MBTPS1: variants seen among roughly 807,000 people sequenced by gnomAD.
The protein encoded by MBTPS1 is membrane bound transcription factor peptidase, site 1.
A neutral mutation model predicts 127.8 loss-of-function variants in MBTPS1; 94 were observed. The observed-to-expected ratio is 0.74, with a 90% confidence interval of 0.62 to 0.87. The LOEUF is 0.87. MBTPS1 is among the 40% of genes least tolerant of loss of function. The pLI is 0.00. For missense variants in MBTPS1, 1,636 were observed against 1,353.2 expected, an observed-to-expected ratio of 1.21 and a Z score of -3.28; for synonymous variants, 632 against 509.4, an observed-to-expected ratio of 1.24 and a Z score of -3.24.
intron 8 of MBTPS1, 93 bp from the exon 9 acceptor site, chr16:84,087,553 T>G: frequency 1.3e-6 from 1 of 797,252 alleles, no homozygotes; most frequent in South Asian, 1.6e-5. Flanking sequence ...GGGCGAATAC[T>G]CCCAGAACAA....
At chr16:84,079,870 C>T (rs1192803866) in intron 11 of MBTPS1, among the ~76,000 whole-genome samples, 5 of 152,252 alleles carry the variant, frequency 3.3e-5, no homozygotes, top group African/African-American at 7.2e-5. Context: ...CGTGTCCACA[C>T]GTTGCCTAGC....
chr16:84,110,511 G>A (rs1230119925), intron 1 of MBTPS1, among the ~76,000 whole-genome samples: 3 of 152,088 alleles, frequency 2.0e-5, no homozygotes, highest in Non-Finnish European at 4.4e-5. Context: ...TTTCACATAT[G>A]TATTAAAACG....
At chr16:84,062,393 A>C (rs1337346200) in intron 19 of MBTPS1, among the ~76,000 whole-genome samples, 6 of 152,232 alleles carry the variant, frequency 3.9e-5, no homozygotes, top group Admixed American at 3.3e-4. Context: ...TGCTGGGATC[A>C]CAGGCGTGAG....
intron 21 of MBTPS1, 148 bp from the exon 22 acceptor site, chr16:84,056,283 C>CTA: frequency 3.3e-6 from 2 of 606,380 alleles, no homozygotes; most frequent in South Asian, 2.3e-5. Context: ...CACCTAAATG[C>CTA]CACTGACAGC....
At chr16:84,108,106 T>A (rs1398400794) in intron 1 of MBTPS1, among the ~76,000 whole-genome samples, 1 of 152,058 alleles carries the variant, frequency 6.6e-6, no homozygotes, top group Non-Finnish European at 1.5e-5. Flanking sequence ...TCTATTCAGC[T>A]GTGACGAATG....
At chr16:84,067,310 T>A (rs1038896037) in intron 16 of MBTPS1, among the ~76,000 whole-genome samples, 1 of 152,310 alleles carries the variant, frequency 6.6e-6, no homozygotes, top group Non-Finnish European at 1.5e-5. Flanking sequence ...TATGAGCAAC[T>A]TTCAAGAACC....
chr16:84,090,998 T>TG, intron 7 of MBTPS1, 56 bp from the exon 8 acceptor site: 6 of 785,324 alleles, frequency 7.6e-6, no homozygotes, highest in Admixed American at 3.8e-5. Flanking sequence ...CATATAACTG[T>TG]CAAAAAAAAA....
At chr16:84,091,363 G>A (rs1285634410) in intron 7 of MBTPS1, among the ~76,000 whole-genome samples, 1 of 151,858 alleles carries the variant, frequency 6.6e-6, no homozygotes, top group Non-Finnish European at 1.5e-5. Context: ...GTGTGCACCT[G>A]TAATCCCGGC....
At chr16:84,095,244 G>C (rs774606153) in intron 4 of MBTPS1, among the ~76,000 whole-genome samples, 14 of 152,180 alleles carry the variant, frequency 9.2e-5, no homozygotes, top group African/African-American at 3.4e-4. Flanking sequence ...CAGGCCTGTC[G>C]GTCAGCGCCA....
chr16:84,112,696 C>T (rs796767901), intron 1 of MBTPS1, among the ~76,000 whole-genome samples: 14 of 150,026 alleles, frequency 9.3e-5, no homozygotes, highest in African/African-American at 2.7e-4. Flanking sequence ...AAGAATACGC[C>T]GGGCTCGGTG....
intron 1 of MBTPS1, among the ~76,000 whole-genome samples, chr16:84,104,160 A>G (rs868337370): frequency 2.1e-4 from 32 of 152,348 alleles, no homozygotes; most frequent in African/African-American, 7.5e-4. Flanking sequence ...AACAGTTCTC[A>G]TATCACAGTA....
At chr16:84,058,457 C>T (rs1380699611) in intron 21 of MBTPS1, among the ~76,000 whole-genome samples, 1 of 152,148 alleles carries the variant, frequency 6.6e-6, no homozygotes, top group African/African-American at 2.4e-5. Context: ...CAGGGGGCCT[C>T]GGAGGGCAAG....
intron 4 of MBTPS1, 146 bp downstream of exon 4, chr16:84,095,456 A>C (rs530075714): frequency 1.3e-6 from 1 of 745,074 alleles, no homozygotes; most frequent in East Asian, 2.7e-5. Flanking sequence ...AATAGTAAGA[A>C]GGTTAGATGT....
At chr16:84,114,714 C>T (rs1171086805) in intron 1 of MBTPS1, among the ~76,000 whole-genome samples, 2 of 151,268 alleles carry the variant, frequency 1.3e-5, no homozygotes, top group Non-Finnish European at 2.9e-5. Flanking sequence ...CCTGCAGTCC[C>T]GGCTACTCGG....
At chr16:84,063,708 C>T (rs555830297) in intron 18 of MBTPS1, among the ~76,000 whole-genome samples, 1 of 152,080 alleles carries the variant, frequency 6.6e-6, no homozygotes, top group African/African-American at 2.4e-5. Flanking sequence ...CTTGCCATGG[C>T]AGTACATAAT....
chr16:84,113,338 C>T (rs187826483), intron 1 of MBTPS1, among the ~76,000 whole-genome samples: 94 of 152,230 alleles, frequency 6.2e-4, no homozygotes, highest in Admixed American at 3.1e-3. Context: ...AAAGGCATAA[C>T]GTTCAAAGAT....
intron 3 of MBTPS1, among the ~76,000 whole-genome samples, chr16:84,097,969 T>G (rs915812341): frequency 9.9e-5 from 15 of 152,128 alleles, no homozygotes; most frequent in Admixed American, 9.2e-4. Context: ...TTCCTTCTGA[T>G]GAAAGAAATG....
chr16:84,061,870 C>G (rs1435254565), intron 19 of MBTPS1, among the ~76,000 whole-genome samples: 1 of 152,150 alleles, frequency 6.6e-6, no homozygotes, highest in East Asian at 1.9e-4. Flanking sequence ...CTGGACTAGA[C>G]AAGATCCGTG....
At chr16:84,072,647 G>A (rs1246868077) in intron 12 of MBTPS1, among the ~76,000 whole-genome samples, 5 of 152,100 alleles carry the variant, frequency 3.3e-5, no homozygotes, top group East Asian at 3.9e-4. Context: ...AAAATTAGCC[G>A]GGCATGGTGG....
Sources: gnomAD v4.1 joint callset for allele counts (sites outside exome capture counted in the v4.1 genomes callset) on GRCh38, gnomAD v4.1.1 for gene constraint, MANE v1.5 for transcripts, NCBI Gene and HGNC (gene_info 2026-07-23, HGNC 2026-07-21) for gene names.